The following LVRN variants were observed in gnomAD, a reference collection of about 807,000 sequenced individuals.
LVRN encodes laeverin.
LVRN carries 99 observed loss-of-function variants against 111.4 expected under a neutral mutation model. That is an observed-to-expected ratio of 0.89 (90% confidence interval 0.76 to 1.05). The LOEUF (loss-of-function observed/expected upper bound fraction) is 1.05, where lower values mean the gene tolerates loss of function less well. Among genes scored for constraint, LVRN ranks in the 50% least tolerant of loss-of-function variants. The probability of loss-of-function intolerance (pLI) is 0.00; values close to 1 mark genes in which losing one functional copy is unlikely to be tolerated. For synonymous variants in LVRN, 488 were observed against 449.5 expected (o/e 1.09, Z -1.08); for missense variants, 1,414 against 1,206.8 (o/e 1.17, Z -2.54).
chr5:116,021,654 G>A (rs1448322464), intron 18 of LVRN: 1 of 416,092 alleles, frequency 2.4e-6, no homozygotes, highest in East Asian at 7.3e-5. Context: ...CTGTCTCTTG[G>A]TCAGTCCATT....
At chr5:115,997,336 A>G (rs1198740575) in intron 6 of LVRN, among the ~76,000 whole-genome samples, 1 of 152,166 alleles carries the variant, frequency 6.6e-6, no homozygotes. Context: ...ATACCAATTT[A>G]TTACAATAAA....
chr5:115,974,458 T>C (rs1386492900), intron 1 of LVRN: 5 of 152,304 alleles, frequency 3.3e-5, no homozygotes, highest in Non-Finnish European at 7.3e-5. Flanking sequence ...AAACTATATA[T>C]GTTATTAAAG....
At chr5:116,004,576 A>G (rs1748315797) in intron 12 of LVRN, among the ~76,000 whole-genome samples, 1 of 152,168 alleles carries the variant, frequency 6.6e-6, no homozygotes, top group African/African-American at 2.4e-5. Context: ...TGCCAGATGT[A>G]TGGCACATTC....
chr5:116,003,128 C>A, intron 11 of LVRN, 113 bp from the exon 12 acceptor site: 1 of 1,068,734 alleles, frequency 9.4e-7, no homozygotes, highest in Non-Finnish European at 1.3e-6. Context: ...TTTAGAATTC[C>A]TTTAATTTTT....
Position 116,025,964 on chromosome 5 carries a change from C to T in LVRN, c.2833-14C>T, listed in dbSNP as rs1250497463. On this transcript the variant is annotated splice_polypyrimidine_tract_variant and intron_variant, in intron 19 of 19. Coordinates refer to ENST00000357872, the MANE Select transcript of LVRN (RefSeq NM_173800.5). The stretch of plus-strand genomic sequence containing the variant: ...GTTGGATTGCACTGATCATCTGTCT[C>T]TCTGTCCTTCCAGCTGCAGCAGTTT... 1.2e-6 allele frequency: 2 copies of T among 1,613,372 alleles called. No homozygotes were observed. The highest frequency in any genetic ancestry group is 2.2e-5 in the South Asian group (2 of 91,046).
rs779958124 is a variant in LVRN, at chr5:116,026,011, C to T, written c.2866C>T (p.His956Tyr). 7 of 1,613,754 alleles carry T rather than the reference C, an allele frequency of 4.3e-6. No homozygotes were observed. The highest frequency in any genetic ancestry group is 5.9e-6 in the Non-Finnish European group (7 of 1,179,870). Reference sequence around the variant, plus strand: ...GTTTTTCAGTAACATGTTGGAGGAACACCAGAGGATCAGAGTTCATGCCAA... The same window carrying T: ...GTTTTTCAGTAACATGTTGGAGGAATACCAGAGGATCAGAGTTCATGCCAA... ...QQFFSNMLEE[H>Y]QRIRVHANLQ... Residue 956 changes from histidine to tyrosine, a missense_variant, in exon 20 of 20, where the codon CAC becomes TAC. Coordinates refer to ENST00000357872, the MANE Select transcript of LVRN (RefSeq NM_173800.5).
At chr5:116,017,423 G>A (rs1344974035) in intron 18 of LVRN, among the ~76,000 whole-genome samples, 1 of 152,178 alleles carries the variant, frequency 6.6e-6, no homozygotes, top group Non-Finnish European at 1.5e-5. Context: ...CACTATTGGA[G>A]GTCAATTCTA....
At chr5:116,003,500 G>A in intron 12 of LVRN, 120 bp downstream of exon 12, 3 of 554,154 alleles carry the variant, frequency 5.4e-6, no homozygotes, top group South Asian at 5.5e-5. Flanking sequence ...TCACCTCCAG[G>A]CATGCAAAAG....
intron 7 of LVRN, 25 bp from the exon 8 acceptor site, chr5:116,000,408 T>C: frequency 6.2e-7 from 1 of 1,612,198 alleles, no homozygotes. Context: ...TTTGTTCAAA[T>C]AATGGACAGC....
chr5:116,007,712 T>C (rs1268487258), intron 13 of LVRN, among the ~76,000 whole-genome samples: 3 of 152,214 alleles, frequency 2.0e-5, no homozygotes, highest in African/African-American at 7.2e-5. Flanking sequence ...TTCACAGATA[T>C]TGCATTTGTT....
intron 3 of LVRN, among the ~76,000 whole-genome samples, chr5:115,985,921 C>T (rs1257673459): frequency 6.6e-6 from 1 of 152,194 alleles, no homozygotes; most frequent in Non-Finnish European, 1.5e-5. Context: ...CTCCTGGGCC[C>T]AAGGGGCCCA....
intron 19 of LVRN, among the ~76,000 whole-genome samples, chr5:116,024,585 G>A (rs1748825119): frequency 6.6e-6 from 1 of 152,116 alleles, no homozygotes. Context: ...AAAGCTCCGC[G>A]AATCAAGACT....
intron 6 of LVRN, among the ~76,000 whole-genome samples, chr5:115,996,800 T>C (rs958083262): frequency 6.6e-6 from 1 of 152,144 alleles, no homozygotes; most frequent in Non-Finnish European, 1.5e-5. Flanking sequence ...AAGGTACATA[T>C]GGGCACTGCA....
At chr5:115,968,601 C>T (rs1231491150) in intron 1 of LVRN, among the ~76,000 whole-genome samples, 1 of 152,032 alleles carries the variant, frequency 6.6e-6, no homozygotes, top group South Asian at 2.1e-4. Flanking sequence ...TGGTCCCCCA[C>T]CCTTTTTGAT....
chr5:116,022,826 G>T (rs1479665779), intron 19 of LVRN, among the ~76,000 whole-genome samples: 3 of 152,182 alleles, frequency 2.0e-5, no homozygotes, highest in Non-Finnish European at 4.4e-5. Context: ...TTGAAATATT[G>T]TGATTAGCAC....
chr5:115,977,875 A>G (rs1420070233), intron 1 of LVRN, among the ~76,000 whole-genome samples: 1 of 152,226 alleles, frequency 6.6e-6, no homozygotes, highest in African/African-American at 2.4e-5. Flanking sequence ...TACTTCTTGC[A>G]TTTTTGATTC....
intron 1 of LVRN, among the ~76,000 whole-genome samples, chr5:115,979,366 C>T (rs1753515098): frequency 6.6e-6 from 1 of 152,164 alleles, no homozygotes; most frequent in African/African-American, 2.4e-5. Flanking sequence ...ATTCTCTCCT[C>T]CAAGCCCATA....
chr5:115,963,414 C>A, intron 1 of LVRN, 102 bp downstream of exon 1: 1 of 859,348 alleles, frequency 1.2e-6, no homozygotes, highest in Non-Finnish European at 1.7e-6. Flanking sequence ...GCGTCTGCTG[C>A]CCTTTCCAAA....
chr5:116,001,292 C>T, intron 10 of LVRN, 53 bp downstream of exon 10: 1 of 1,584,322 alleles, frequency 6.3e-7, no homozygotes, highest in Non-Finnish European at 8.6e-7. Flanking sequence ...TGAGCTCTGA[C>T]CCAATGGAAT....
Sources: gnomAD v4.1 joint callset for allele counts (sites outside exome capture counted in the v4.1 genomes callset) on GRCh38, gnomAD v4.1.1 for gene constraint, MANE v1.5 for transcripts, NCBI Gene and HGNC (gene_info 2026-07-23, HGNC 2026-07-21) for gene names.